VPS13D: variants seen among roughly 807,000 people sequenced by gnomAD.
VPS13D encodes the protein vacuolar protein sorting 13 homolog D.
VPS13D carries 187 observed loss-of-function variants against 461.9 expected under a neutral mutation model. That is an observed-to-expected ratio of 0.40 (90% CI 0.36 to 0.46). The LOEUF (loss-of-function observed/expected upper bound fraction) is 0.46, where lower values mean the gene tolerates loss of function less well. VPS13D is among the 20% of genes least tolerant of loss of function. The pLI is 0.60. For synonymous variants in VPS13D, 1,951 were observed against 1,986.3 expected (o/e 0.98, Z 0.47); for missense variants, 4,711 against 5,364.9 (o/e 0.88, Z 3.81).
chr1:12,318,028 T>A, intron 30 of VPS13D, 44 bp from the exon 31 acceptor site: 1 of 1,558,272 alleles, frequency 6.4e-7, no homozygotes. Flanking sequence ...GAAATAACCA[T>A]GTTTCTTTTT....
At chr1:12,470,481 G>A (rs900142603) in intron 67 of VPS13D, among the ~76,000 whole-genome samples, 6 of 152,114 alleles carry the variant, frequency 3.9e-5, no homozygotes, top group Non-Finnish European at 8.8e-5. Context: ...TTGAACTATC[G>A]AGGGCCCAGT....
intron 24 of VPS13D, among the ~76,000 whole-genome samples, chr1:12,294,255 A>G (rs996939025): frequency 3.9e-5 from 6 of 152,238 alleles, no homozygotes; most frequent in African/African-American, 1.2e-4. Context: ...AGTAACCACA[A>G]TGACTGGTAG....
At chr1:12,314,933 C>A (rs1041427950) in intron 30 of VPS13D, among the ~76,000 whole-genome samples, 2 of 152,166 alleles carry the variant, frequency 1.3e-5, no homozygotes, top group African/African-American at 4.8e-5. Flanking sequence ...TCAACTTCCT[C>A]TTATATAAAA....
At chr1:12,327,169 AG>A (rs1175881081) in intron 35 of VPS13D, among the ~76,000 whole-genome samples, 3 of 152,164 alleles carry the variant, frequency 2.0e-5, no homozygotes, top group Admixed American at 1.3e-4. Flanking sequence ...AAGAGCCAGC[AG>A]CTGGTAAGGG....
intron 63 of VPS13D, among the ~76,000 whole-genome samples, chr1:12,406,950 G>T (rs977663982): frequency 6.6e-6 from 1 of 152,114 alleles, no homozygotes; most frequent in Non-Finnish European, 1.5e-5. Context: ...AGAGGGTGGG[G>T]GTTAGGGGGA....
intron 46 of VPS13D, among the ~76,000 whole-genome samples, chr1:12,352,117 C>A (rs1643809936): frequency 6.6e-6 from 1 of 151,722 alleles, no homozygotes; most frequent in African/African-American, 2.4e-5. Context: ...TGGTGAAACT[C>A]CGTCTCTAGT....
At chr1:12,267,140 T>C (rs1005532326) in intron 14 of VPS13D, 129 bp downstream of exon 14, 1 of 1,054,020 alleles carries the variant, frequency 9.5e-7, no homozygotes, top group African/African-American at 1.6e-5. Flanking sequence ...ATTAGAAAAG[T>C]TTCTTGAAAT....
At chr1:12,361,300 A>G (rs908820075) in intron 50 of VPS13D, among the ~76,000 whole-genome samples, 2 of 151,882 alleles carry the variant, frequency 1.3e-5, no homozygotes, top group African/African-American at 4.8e-5. Flanking sequence ...AGTACGTTGA[A>G]TGTCATTGCT....
chr1:12,492,214 C>T (rs922802697), intron 67 of VPS13D, among the ~76,000 whole-genome samples: 2 of 152,226 alleles, frequency 1.3e-5, no homozygotes, highest in Non-Finnish European at 2.9e-5. Context: ...GCTGTAGCAC[C>T]AATGGCAGGA....
chr1:12,322,424 T>C, intron 33 of VPS13D, 112 bp from the exon 34 acceptor site: 2 of 1,004,366 alleles, frequency 2.0e-6, no homozygotes, highest in Non-Finnish European at 2.9e-6. Context: ...AGAAATTTGG[T>C]GCAGTATCTG....
chr1:12,509,208 G>A lies in VPS13D; in HGVS notation c.*184G>A. 2.9e-6 allele frequency: 2 copies of A among 694,334 alleles called. No individual in the cohort carries two copies. Among genetic ancestry groups the A allele is most frequent in the Non-Finnish European group, 4.4e-6 (2 of 450,012 alleles). 43.0% of individuals were successfully genotyped at this position (694,334 alleles called of 1,614,324 possible). On this transcript the variant is annotated 3_prime_UTR_variant, in exon 70 of 70. Transcript: ENST00000620676. ...GGAAATCGTATTAATTTGTGAGGCA[G>A]GGAGTTATTTTAGATTATGGGAAAT...
chr1:12,400,063 A>G, intron 60 of VPS13D, 118 bp from the exon 61 acceptor site: 1 of 1,137,456 alleles, frequency 8.8e-7, no homozygotes, highest in Non-Finnish European at 1.2e-6. Context: ...ATCGAGTGAA[A>G]TGACAAGGGT....
chr1:12,411,611 A>G (rs755865732), intron 63 of VPS13D, among the ~76,000 whole-genome samples: 1 of 152,226 alleles, frequency 6.6e-6, no homozygotes, highest in Non-Finnish European at 1.5e-5. Context: ...TTGTGTAACA[A>G]ATGACGCCAA....
chr1:12,256,600 C>A, intron 8 of VPS13D, 97 bp downstream of exon 8: 1 of 1,337,866 alleles, frequency 7.5e-7, no homozygotes, highest in South Asian at 1.4e-5. Context: ...AAAGAAAGTT[C>A]ATGTGAGACC....
intron 29 of VPS13D, among the ~76,000 whole-genome samples, chr1:12,313,291 ATTC>A (rs199954788): frequency 0.022 from 1,802 of 83,102 alleles, 52 homozygotes; most frequent in African/African-American, 0.074. Context: ...TAGCAATTTT[ATTC>A]TTTCCTTTTT....
In VPS13D at chr1:12,510,172, C is replaced by A. The variant is rs80116900; in HGVS notation, c.*1148C>A. ...TGGAACCAAGATTTGACAAAGGCAT[C>A]TCTTATCCTTGGTTTTAAATTCCTG... On this transcript the variant is annotated 3_prime_UTR_variant, in exon 70 of 70. Transcript: ENST00000620676. 5,367 of 152,270 alleles carry A rather than the reference C, an allele frequency of 0.035. 136 individuals are homozygous for A. Among genetic ancestry groups the A allele is most frequent in the East Asian group, 0.071 (369 of 5,170 alleles). 9.4% of individuals were successfully genotyped at this position (152,270 alleles called of 1,614,324 possible). A position where few individuals can be genotyped will look rare whatever the true frequency, so the allele number is the denominator to read the frequency against.
intron 2 of VPS13D, among the ~76,000 whole-genome samples, chr1:12,236,678 C>T (rs576044241): frequency 1.9e-3 from 283 of 152,250 alleles, no homozygotes; most frequent in Non-Finnish European, 2.9e-3. Context: ...CCACTGCACC[C>T]GGCCGAGAAT....
At chr1:12,506,698 C>T (rs961384552) in intron 68 of VPS13D, among the ~76,000 whole-genome samples, 155 bp from the exon 69 acceptor site, 7 of 152,268 alleles carry the variant, frequency 4.6e-5, no homozygotes, top group African/African-American at 1.7e-4. Flanking sequence ...ACAACAAACA[C>T]CCACAAGATA....
intron 60 of VPS13D, among the ~76,000 whole-genome samples, chr1:12,389,565 A>G (rs890162572): frequency 5.3e-5 from 8 of 152,224 alleles, no homozygotes; most frequent in African/African-American, 1.9e-4. Flanking sequence ...TTTTCTTAGT[A>G]CAAGTGTATA....
Sources: gnomAD v4.1 joint callset for allele counts (sites outside exome capture counted in the v4.1 genomes callset) on GRCh38, gnomAD v4.1.1 for gene constraint, MANE v1.5 for transcripts, NCBI Gene and HGNC (gene_info 2026-07-23, HGNC 2026-07-21) for gene names.